The following RAB11FIP1 variants were observed in gnomAD, a reference collection of about 807,000 sequenced individuals.
RAB11FIP1 encodes rab11 family-interacting protein 1.
In RAB11FIP1, 49 loss-of-function variants were observed where a neutral mutation model predicts 83.1. The observed-to-expected ratio is 0.59, with a 90% CI of 0.47 to 0.75. The LOEUF (loss-of-function observed/expected upper bound fraction) is 0.75, where lower values mean the gene tolerates loss of function less well. Ranked by LOEUF, RAB11FIP1 falls within the 30% of genes least tolerant of loss-of-function variation. The pLI, the probability that RAB11FIP1 is intolerant of heterozygous loss-of-function variation, is 0.00. For missense variants in RAB11FIP1, 1,536 were observed against 1,598.7 expected (o/e 0.96, Z 0.67); for synonymous variants, 670 against 656.0 (o/e 1.02, Z -0.33).
rs749843934 is a variant in RAB11FIP1, at chr8:37,899,262, G to T, written c.180C>A (p.Ser60Arg). The change falls in exon 1 of 6, where the codon AGC (serine) becomes AGA (arginine). Residue 60 changes from serine (S) to arginine (R), a missense_variant. Coordinates refer to ENST00000330843, the MANE Select transcript of RAB11FIP1 (RefSeq NM_001002814.3). This position sits in a 1 kb window ranked among gnomAD's most constrained non-coding sequence, Gnocchi z 4.5. ...CCTCGCGCCACACGGGCGCGCCCAG[G>T]CTGCGCTCCGACACGGAGGTGGCGT... ...EKYATSVSER[S>R]LGAPVWREEA... is the part of the protein sequence containing the mutation. The T allele has an allele frequency of 5.0e-6, 8 of 1,605,464 alleles. No individual in the cohort carries two copies. The East Asian group carries it at 1.8e-4, about 36-fold the overall frequency.
intron 1 of RAB11FIP1, among the ~76,000 whole-genome samples, chr8:37,886,560 G>A (rs1053712425): frequency 6.6e-6 from 1 of 152,178 alleles, no homozygotes; most frequent in Non-Finnish European, 1.5e-5. Flanking sequence ...TTTGGACTCC[G>A]GGTTCGGTGA....
chr8:37,899,389 G>A lies in RAB11FIP1; in HGVS notation c.53C>T (p.Thr18Ile). 1.9e-6 allele frequency: 3 copies of A among 1,600,624 alleles called. No individual in the cohort carries two copies. The highest frequency in any genetic ancestry group is 2.2e-5 in the South Asian group (2 of 90,172). ...CTGCAGCACCGTCACCTGCACGTGG[G>A]TTGGGGACCACACGGCCCCCAGGCC... ...GRGLGAVWSP[T>I]HVQVTVLQAR... The change falls in exon 1 of 6, where the codon ACC (threonine) becomes ATC (isoleucine). Residue 18 changes from threonine to isoleucine, a missense_variant. Transcript: ENST00000330843. This position sits in a 1 kb window ranked among gnomAD's most constrained non-coding sequence, Gnocchi z 4.5.
At chr8:37,892,899 C>A (rs1313448223) in intron 1 of RAB11FIP1, among the ~76,000 whole-genome samples, 1 of 152,106 alleles carries the variant, frequency 6.6e-6, no homozygotes, top group Non-Finnish European at 1.5e-5. Context: ...GGCCCCCTTC[C>A]TCCACTCCTC....
At chr8:37,868,192 C>T (rs937963016) in intron 5 of RAB11FIP1, among the ~76,000 whole-genome samples, 2 of 152,008 alleles carry the variant, frequency 1.3e-5, no homozygotes, top group South Asian at 4.1e-4. Context: ...GAGGCTGAGG[C>T]GGGTGGATCA....
chr8:37,895,641 T>C (rs900594311), intron 1 of RAB11FIP1, among the ~76,000 whole-genome samples: 1 of 152,028 alleles, frequency 6.6e-6, no homozygotes, highest in African/African-American at 2.4e-5. Context: ...GGGCCACACA[T>C]TCTTCCCTAC....
chr8:37,886,142 C>T (rs949662105), intron 1 of RAB11FIP1, among the ~76,000 whole-genome samples: 8 of 152,078 alleles, frequency 5.3e-5, no homozygotes, highest in Admixed American at 3.3e-4. Context: ...ACATGCCAGA[C>T]GCTGGAAATA....
At chr8:37,891,677 ACT>A (rs1806949076) in intron 1 of RAB11FIP1, among the ~76,000 whole-genome samples, 1 of 152,066 alleles carries the variant, frequency 6.6e-6, no homozygotes, top group African/African-American at 2.4e-5. Flanking sequence ...AAGGCACAAG[ACT>A]CTTTTCTATG....
intron 5 of RAB11FIP1, 21 bp downstream of exon 5, chr8:37,870,399 C>T (rs776185830): frequency 1.4e-6 from 2 of 1,417,282 alleles, no homozygotes; most frequent in South Asian, 1.2e-5. Flanking sequence ...AACGAACACA[C>T]CAGCTTCTCA....
At chr8:37,889,995 G>T (rs1336753825) in intron 1 of RAB11FIP1, among the ~76,000 whole-genome samples, 1 of 152,146 alleles carries the variant, frequency 6.6e-6, no homozygotes, top group Non-Finnish European at 1.5e-5. Flanking sequence ...ATGTTGGCCA[G>T]GCTGGTCTCG....
Position 37,875,311 on chromosome 8 carries a change from T to G in RAB11FIP1, c.826A>C (p.Lys276Gln). The change falls in exon 3 of 6, where the codon AAG (lysine) becomes CAG (glutamine). Residue 276 changes from lysine to glutamine, a missense_variant. Lys to Gln is a moderately conservative substitution (Grantham distance 53). Coordinates refer to ENST00000330843, the MANE Select transcript of RAB11FIP1 (RefSeq NM_001002814.3). ...TTAAGATCCGTACTCGCTGTTCTCT[T>G]GTGAGACATGACTTTGGGAAGAAAA... ...SSSASDVMSH[K>Q]RTASTDLKQL... 1 of 1,610,100 alleles carries G rather than the reference T, an allele frequency of 6.2e-7. No homozygotes were observed. Among genetic ancestry groups the G allele is most frequent in the Non-Finnish European group, 8.5e-7 (1 of 1,178,130 alleles).
chr8:37,889,264 A>G (rs1239037811), intron 1 of RAB11FIP1, among the ~76,000 whole-genome samples: 1 of 152,310 alleles, frequency 6.6e-6, no homozygotes, highest in East Asian at 1.9e-4. Flanking sequence ...AGTGGAGAGC[A>G]ATACTAAATT....
chr8:37,882,076 G>C (rs1199329086), intron 1 of RAB11FIP1, among the ~76,000 whole-genome samples: 2 of 152,168 alleles, frequency 1.3e-5, no homozygotes, highest in Non-Finnish European at 2.9e-5. Flanking sequence ...CCGCAGGCGG[G>C]CAGCACGCTT....
In RAB11FIP1 at chr8:37,859,239, AGTT is replaced by A. The variant is rs1275117047; in HGVS notation, c.*3653_*3655del. On this transcript the variant is annotated 3_prime_UTR_variant, in exon 6 of 6. Transcript: ENST00000330843. ...TTTTCAGCCTTGAGAGATAATTAGTAGTTCTAGAAAAAGAAAAAAAGTTGACTG... is the reference window on the plus strand; with the variant it reads ...TTTTCAGCCTTGAGAGATAATTAGTACTAGAAAAAGAAAAAAAGTTGACTG... The A allele has an allele frequency of 1.3e-5, 2 of 152,162 alleles. No individual in the cohort carries two copies. Among genetic ancestry groups the A allele is most frequent in the African/African-American group, 4.8e-5 (2 of 41,434 alleles). The allele number at this position is 152,162 out of a possible 1,614,324, so 9.4% of individuals were successfully genotyped here. A position where few individuals can be genotyped will look rare whatever the true frequency, so the allele number is the denominator to read the frequency against.
At chr8:37,898,713 G>C (rs1256776995) in intron 1 of RAB11FIP1, among the ~76,000 whole-genome samples, 1 of 151,486 alleles carries the variant, frequency 6.6e-6, no homozygotes, top group Admixed American at 6.6e-5. Flanking sequence ...CCAGCTACTC[G>C]GGAGGCTGAG....
In RAB11FIP1 at chr8:37,872,318, C is replaced by T; in HGVS notation, c.2484G>A (p.Val828=). ...EEAVAGAALL[V]EGHSSCPQEL... is the part of the protein sequence containing the mutation. ...CCTGGGGACAACTGCTGTGTCCTTC[C>T]ACCAGCAAGGCAGCCCCCGCCACTG... Residue 828 remains valine, a synonymous_variant, in exon 4 of 6, where the codon GTG becomes GTA. Transcript: ENST00000330843. 1 of 1,614,072 alleles carries T rather than the reference C, an allele frequency of 6.2e-7. No homozygotes were observed. Among genetic ancestry groups the T allele is most frequent in the Non-Finnish European group, 8.5e-7 (1 of 1,179,962 alleles).
intron 5 of RAB11FIP1, among the ~76,000 whole-genome samples, chr8:37,863,853 G>C (rs930330146): frequency 1.3e-5 from 2 of 152,154 alleles, no homozygotes; most frequent in African/African-American, 4.8e-5. Flanking sequence ...GGGAACACTA[G>C]GAGCTCACAC....
chr8:37,871,531 G>C lies in RAB11FIP1; in HGVS notation c.3271C>G (p.Leu1091Val). The change falls in exon 4 of 6, where the codon CTG becomes GTG. Residue 1091 changes from leucine (L) to valine (V), a missense_variant. Transcript: ENST00000330843. ...GSPSPPPGTSLDNPVPSPSPS... is the reference protein window; with the variant it reads ...GSPSPPPGTSVDNPVPSPSPS... ...GAGGGGCTGGGTACAGGATTGTCCA[G>C]GGATGTGCCAGGAGGCGGGCTTGGA... The C allele has an allele frequency of 1.2e-6, 2 of 1,605,966 alleles. No homozygotes were observed.
In RAB11FIP1 at chr8:37,859,402, T is replaced by C. The variant is rs1306052113; in HGVS notation, c.*3493A>G. ...ACTGTTAGCAAAACTGAGAAGCACA[T>C]GCCTGTGTCTTCTTCATACCGGCAT... On this transcript the variant is annotated 3_prime_UTR_variant, in exon 6 of 6. Transcript: ENST00000330843. 1 of 152,252 alleles carries C rather than the reference T, an allele frequency of 6.6e-6. No individual in the cohort carries two copies. Among genetic ancestry groups the C allele is most frequent in the Non-Finnish European group, 1.5e-5 (1 of 68,080 alleles). The allele number at this position is 152,252 out of a possible 1,614,324, so 9.4% of individuals were successfully genotyped here.
chr8:37,882,191 C>T (rs898232268), intron 1 of RAB11FIP1, among the ~76,000 whole-genome samples: 6 of 152,192 alleles, frequency 3.9e-5, no homozygotes, highest in African/African-American at 1.2e-4. Context: ...TGTGACAGGC[C>T]TCCAAAGCAG....
Sources: allele counts gnomAD v4.1 joint callset (sites outside exome capture counted in the v4.1 genomes callset), GRCh38; gene constraint gnomAD v4.1.1; non-coding constraint Gnocchi (gnomAD v3.1); transcripts MANE v1.5; gene names NCBI Gene and HGNC (gene_info 2026-07-23, HGNC 2026-07-21).